The following SULT2A1 variants were observed in gnomAD, a reference collection of about 807,000 sequenced individuals.
The protein encoded by SULT2A1 is sulfotransferase family 2A member 1, also known as sulfotransferase 2A1.
SULT2A1 carries 43 observed loss-of-function variants against 33.9 expected under a neutral mutation model. That is an observed-to-expected ratio of 1.27 (90% CI 1.00 to 1.64). The LOEUF (loss-of-function observed/expected upper bound fraction) is 1.64. Ranked by LOEUF, SULT2A1 falls within the 40% of genes most tolerant of loss-of-function variation. The pLI is 0.00. For missense variants in SULT2A1, 300 were observed against 335.1 expected (o/e 0.90, Z 0.82); for synonymous variants, 125 against 113.6 (o/e 1.10, Z -0.64).
chr19:47,880,247 A>C (rs1192564541), intron 3 of SULT2A1, among the ~76,000 whole-genome samples: 2 of 150,716 alleles, frequency 1.3e-5, no homozygotes, highest in African/African-American at 4.9e-5. Flanking sequence ...AAAAAAAAAA[A>C]AAAAAAAAAA....
rs907296950 is a variant in SULT2A1 at position 47,872,953 on chromosome 19, A to G, written c.746-1386T>C. 4.6e-5 allele frequency among the ~76,000 whole-genome samples: 7 copies of G among 151,816 alleles called. No homozygotes were observed. In the East Asian group the frequency reaches 1.4e-3, roughly 29 times the overall value. ...ATTTTTGTATTTTTAGTAGAAACAG[A>G]GTTTCACCATGTTGCCCAGGCTGGT... On this transcript the variant is annotated intron_variant, in intron 5 of 5. Transcript: ENST00000222002.
Position 47,882,150 on chromosome 19 carries a change from T to A in SULT2A1, c.406A>T (p.Asn136Tyr). 1 of 1,613,950 alleles carries A rather than the reference T, an allele frequency of 6.2e-7. No homozygotes were observed. Among genetic ancestry groups the A allele is most frequent in the Non-Finnish European group, 8.5e-7 (1 of 1,179,974 alleles). ...TTTGGTTTCTTAATAAACTTCATGT[T>A]TTTCCAGAAAAAATAACCAGACACC... The part of the protein sequence containing the change: ...VLVSGYFFWK[N>Y]MKFIKKPKSW... Residue 136 changes from asparagine to tyrosine, a missense_variant, in exon 3 of 6, where the codon AAC (asparagine) becomes TAC (tyrosine). Coordinates refer to ENST00000222002, the MANE Select transcript of SULT2A1 (RefSeq NM_003167.4).
chr19:47,885,062 T>G (rs1968642909), intron 1 of SULT2A1, among the ~76,000 whole-genome samples: 1 of 152,094 alleles, frequency 6.6e-6, no homozygotes, highest in Admixed American at 6.6e-5. Context: ...CCACCTGCCT[T>G]GACCTCCCAA....
In SULT2A1 at chr19:47,878,841, C is replaced by T. The variant is rs62531000; in HGVS notation, c.567+195G>A. On this transcript the variant is annotated intron_variant, in intron 4 of 5. Transcript: ENST00000222002. ...AGATGTTTTAAGATAAAATAAGGAG[C>T]GTGAAGCTTGGGCAAGGGTCAACCA... is the stretch of plus-strand genomic sequence containing the variant. 6.8e-4 allele frequency among the ~76,000 whole-genome samples: 104 copies of T among 152,040 alleles called. 1 individual carries two copies. In the East Asian group the frequency reaches 0.017, roughly 24 times the overall value.
chr19:47,883,908 ATAGCCTGGCCAAGATGGTGAAACCCCGTC>A, intron 1 of SULT2A1, 123 bp from the exon 2 acceptor site: 1 of 851,746 alleles, frequency 1.2e-6, no homozygotes, highest in African/African-American at 1.7e-5. Flanking sequence ...GGGTTCCAGA[ATAGCCTGGCCAAGATGGTGAAACCCCGTC>A]TCTACTAAAA....
intron 1 of SULT2A1, among the ~76,000 whole-genome samples, chr19:47,884,773 G>A (rs1256105686): frequency 2.0e-5 from 3 of 150,526 alleles, no homozygotes; most frequent in Non-Finnish European, 4.4e-5. Flanking sequence ...TGGGACTGTA[G>A]GCGTGAGCCA....
At chr19:47,881,934 G>C in intron 3 of SULT2A1, 150 bp downstream of exon 3, 1 of 930,494 alleles carries the variant, frequency 1.1e-6, no homozygotes, top group Non-Finnish European at 1.7e-6. Flanking sequence ...GCTGCTATGC[G>C]GGAGAGTAAG....
At chr19:47,881,189 C>T (rs1359519692) in intron 3 of SULT2A1, among the ~76,000 whole-genome samples, 2 of 151,964 alleles carry the variant, frequency 1.3e-5, no homozygotes, top group Non-Finnish European at 2.9e-5. Context: ...GCACCCACCA[C>T]CACGGCCAGC....
intron 3 of SULT2A1, among the ~76,000 whole-genome samples, chr19:47,879,617 A>C (rs1968582178): frequency 6.6e-6 from 1 of 152,116 alleles, no homozygotes; most frequent in African/African-American, 2.4e-5. Flanking sequence ...GGATGAGTTC[A>C]TATCCTTTGT....
At chr19:47,880,409 CG>C (rs1489109681) in intron 3 of SULT2A1, among the ~76,000 whole-genome samples, 6 of 151,788 alleles carry the variant, frequency 4.0e-5, no homozygotes, top group Admixed American at 2.0e-4. Flanking sequence ...GATTACAATT[CG>C]AGATGAGATT....
In SULT2A1 at chr19:47,871,443, G is replaced by A. The variant is rs376834269; in HGVS notation, c.*12C>T. ...TGTCATTCTCCATATAAGATCCAGA[G>A]TGTTTTGGACGTTATTCCCATGGGA... On this transcript the variant is annotated 3_prime_UTR_variant, in exon 6 of 6. Coordinates refer to ENST00000222002, the MANE Select transcript of SULT2A1 (RefSeq NM_003167.4). 4 of 1,583,030 alleles carry A rather than the reference G, an allele frequency of 2.5e-6. No individual in the cohort carries two copies. In the African/African-American group the frequency reaches 5.4e-5, roughly 21 times the overall value.
In SULT2A1 at chr19:47,871,508, A is replaced by G. The variant is rs1367864516; in HGVS notation, c.805T>C (p.Leu269=). ...AGATCTGCCATCTTCTCTTGGAACA[A>G]TTTATCAAAGTCTTCAGCTTGGGCC... ...TVAQAEDFDK[L]FQEKMADLPR... The change falls in exon 6 of 6, where the codon TTG becomes CTG. Residue 269 remains leucine, a synonymous_variant. Transcript: ENST00000222002. The G allele has an allele frequency of 1.9e-6, 3 of 1,614,024 alleles. No homozygotes were observed. The highest frequency in any genetic ancestry group is 2.2e-5 in the East Asian group (1 of 44,868).
rs772082266 is a variant in SULT2A1 at position 47,886,228 on chromosome 19, G to A, written c.30C>T (p.Gly10=). Residue 10 remains glycine, a synonymous_variant, in exon 1 of 6, where the codon GGC becomes GGT. Coordinates refer to ENST00000222002, the MANE Select transcript of SULT2A1 (RefSeq NM_003167.4). MSDDFLWFE[G]IAFPTMGFRS... ...TGAAACCCATAGTAGGGAAAGCTAT[G>A]CCTTCAAACCATAAGAAATCGTCCG... 3.1e-6 allele frequency: 5 copies of A among 1,614,000 alleles called. No individual in the cohort carries two copies. In the South Asian group the frequency reaches 3.3e-5, roughly 11 times the overall value.
At position 47,871,485 on chromosome 19, in the gene SULT2A1, A is replaced by G. The variant is rs1427855713; in HGVS notation, c.828T>C (p.Asp276=). 6.2e-7 allele frequency: 1 copy of G among 1,614,052 alleles called. No individual in the cohort carries two copies. Among genetic ancestry groups the G allele is most frequent in the South Asian group, 1.1e-5 (1 of 91,076 alleles). ...CCCATGGGAACAGCTCTCGAGGAAG[A>G]TCTGCCATCTTCTCTTGGAACAATT... ...FDKLFQEKMA[D]LPRELFPWE The change falls in exon 6 of 6, where the codon GAT becomes GAC. Residue 276 remains aspartate (D), a synonymous_variant. Transcript: ENST00000222002.
intron 5 of SULT2A1, among the ~76,000 whole-genome samples, chr19:47,872,616 A>G (rs1968503655): frequency 6.6e-6 from 1 of 151,924 alleles, no homozygotes; most frequent in South Asian, 2.1e-4. Context: ...TCACCACCCA[A>G]TTTAGAGGTC....
chr19:47,872,110 G>T (rs1029508162), intron 5 of SULT2A1, among the ~76,000 whole-genome samples: 1 of 152,026 alleles, frequency 6.6e-6, no homozygotes, highest in African/African-American at 2.4e-5. Context: ...TAGAGATGGG[G>T]TTTTGCCATG....
At chr19:47,880,026 G>A (rs975875199) in intron 3 of SULT2A1, among the ~76,000 whole-genome samples, 2 of 151,692 alleles carry the variant, frequency 1.3e-5, no homozygotes, top group Non-Finnish European at 1.5e-5. Context: ...CACGAGGTCA[G>A]GAGATCGAGA....
chr19:47,878,505 A>ATTTT (rs34027366), intron 4 of SULT2A1, among the ~76,000 whole-genome samples: 16 of 111,958 alleles, frequency 1.4e-4, no homozygotes, highest in East Asian at 5.4e-4. Context: ...ACCTCTCTAG[A>ATTTT]TTTTTTTTTT....
At position 47,883,326 on chromosome 19, in the gene SULT2A1, T is replaced by C. The variant is rs1968620374; in HGVS notation, c.345+251A>G. On this transcript the variant is annotated intron_variant, in intron 2 of 5. Coordinates refer to ENST00000222002, the MANE Select transcript of SULT2A1 (RefSeq NM_003167.4). The stretch of plus-strand genomic sequence containing the variant: ...CACTTAGAACCTAGTTTTCTAAGAT[T>C]CTGGGTTAGTGTTTTCACCCTATCC... Among the ~76,000 whole-genome samples the C allele has an allele frequency of 2.6e-5, 4 of 152,098 alleles. No homozygotes were observed. In the South Asian group the frequency reaches 8.3e-4, roughly 32 times the overall value.
Sources: gnomAD v4.1 joint callset for allele counts (sites outside exome capture counted in the v4.1 genomes callset) on GRCh38, gnomAD v4.1.1 for gene constraint, MANE v1.5 for transcripts, NCBI Gene and HGNC (gene_info 2026-07-23, HGNC 2026-07-21) for gene names.